Variants in RBMS3 observed in about 807,000 individuals in gnomAD.
RBMS3 encodes RNA-binding motif, single-stranded-interacting protein 3.
Under a neutral mutation model 66.8 loss-of-function variants are expected in RBMS3, and 27 were observed. The ratio of observed to expected loss-of-function variants is 0.40; its 90% CI spans 0.30 to 0.56. The LOEUF (loss-of-function observed/expected upper bound fraction) is 0.56. RBMS3 is among the 20% of genes least tolerant of loss of function. RBMS3 has a pLI of 0.40. For synonymous variants in RBMS3, 188 were observed against 183.0 expected (o/e 1.03, Z -0.22); for missense variants, 513 against 549.5 (o/e 0.93, Z 0.66).
chr3:29,367,855 A>G (rs960797790), intron 1 of RBMS3, among the ~76,000 whole-genome samples: 2 of 152,198 alleles, frequency 1.3e-5, no homozygotes, highest in African/African-American at 4.8e-5. Flanking sequence ...AGGAAGGACA[A>G]TAGTACATTT....
At chr3:29,293,228 C>T (rs547445105) in intron 1 of RBMS3, among the ~76,000 whole-genome samples, 12 of 151,530 alleles carry the variant, frequency 7.9e-5, no homozygotes, top group Non-Finnish European at 1.8e-4. Flanking sequence ...TATTCATATA[C>T]GATCTGTATG....
intron 6 of RBMS3, among the ~76,000 whole-genome samples, chr3:29,802,000 C>A (rs748686964): frequency 5.9e-5 from 9 of 152,202 alleles, no homozygotes; most frequent in Non-Finnish European, 8.8e-5. Context: ...CAGCTTCCAA[C>A]ATCTCTTTTT....
At chr3:29,930,727 AAT>A (rs113959842) in intron 10 of RBMS3, among the ~76,000 whole-genome samples, 2,753 of 149,380 alleles carry the variant, frequency 0.018, 75 homozygotes, top group African/African-American at 0.062. Flanking sequence ...TTTTTATTCT[AAT>A]ATATATATAT....
intron 4 of RBMS3, among the ~76,000 whole-genome samples, chr3:29,692,832 T>TAA (rs1361273119): frequency 1.3e-5 from 2 of 152,228 alleles, no homozygotes; most frequent in African/African-American, 2.4e-5. Flanking sequence ...ATTATATATA[T>TAA]AATCATGCTC....
chr3:29,662,265 C>T (rs2050581389), intron 4 of RBMS3, among the ~76,000 whole-genome samples: 2 of 151,972 alleles, frequency 1.3e-5, no homozygotes, highest in South Asian at 4.1e-4. Context: ...TGAAAGAGAG[C>T]CCAGTTACAC....
chr3:29,825,444 T>A (rs139568034), intron 6 of RBMS3, among the ~76,000 whole-genome samples: 2 of 152,092 alleles, frequency 1.3e-5, no homozygotes, highest in African/African-American at 2.4e-5. Context: ...CTAATCCCCA[T>A]GTGTTGTGGG....
rs2046520213 is a variant in RBMS3, at chr3:29,560,711, T to A, written c.308-26403T>A. 2.0e-5 allele frequency among the ~76,000 whole-genome samples: 3 copies of A among 152,238 alleles called. No individual in the cohort carries two copies. In the South Asian group the frequency reaches 6.2e-4, roughly 31 times the overall value. On this transcript the variant is annotated intron_variant, in intron 3 of 14. Transcript: ENST00000383767. Reference sequence around the variant, plus strand: ...TGACTGAAATTAAAGATGGTCATTTTGTTGTATAAACTCTGTTTTTTAAAT... The same window carrying A: ...TGACTGAAATTAAAGATGGTCATTTAGTTGTATAAACTCTGTTTTTTAAAT...
chr3:29,676,038 C>A (rs1026928940), intron 4 of RBMS3, among the ~76,000 whole-genome samples: 6 of 152,132 alleles, frequency 3.9e-5, no homozygotes, highest in African/African-American at 4.8e-5. Context: ...ATGTCCATCA[C>A]TGATAGACTG....
intron 3 of RBMS3, among the ~76,000 whole-genome samples, chr3:29,545,914 T>C (rs1232738459): frequency 6.6e-6 from 1 of 152,162 alleles, no homozygotes; most frequent in Non-Finnish European, 1.5e-5. Context: ...TACAAGGAAA[T>C]TCTTATTATG....
rs1365392385 is a variant in RBMS3 at position 29,492,926 on chromosome 3, C to A, written c.307+4427C>A. On this transcript the variant is annotated intron_variant, in intron 3 of 14. Coordinates refer to ENST00000383767, the MANE Select transcript of RBMS3 (RefSeq NM_001003793.3). ...TGGTTCATCCATTCTTCATTGGTAC[C>A]ATGCTAAATCGGTACAGCTTTTTTA... Among the ~76,000 whole-genome samples, 4 of 152,156 alleles carry A rather than the reference C, an allele frequency of 2.6e-5. No individual in the cohort carries two copies. In the East Asian group the frequency reaches 7.7e-4, roughly 29 times the overall value.
intron 1 of RBMS3, among the ~76,000 whole-genome samples, chr3:29,395,791 A>T (rs551508365): frequency 6.6e-6 from 1 of 152,308 alleles, no homozygotes; most frequent in Non-Finnish European, 1.5e-5. Flanking sequence ...ATCTGTGATC[A>T]AATTGCTACT....
In RBMS3 at chr3:29,538,716, G is replaced by A. The variant is rs77629454; in HGVS notation, c.308-48398G>A. ...AGAGAGGATAATAAGCATCCAGTGGGTCACTTTGGTAGACTTAGTCCTTGT... is the reference window on the plus strand; with the variant it reads ...AGAGAGGATAATAAGCATCCAGTGGATCACTTTGGTAGACTTAGTCCTTGT... On this transcript the variant is annotated intron_variant, in intron 3 of 14. Coordinates refer to ENST00000383767, the MANE Select transcript of RBMS3 (RefSeq NM_001003793.3). 2.4e-4 allele frequency among the ~76,000 whole-genome samples: 37 copies of A among 152,286 alleles called. 1 individual carries two copies. In the East Asian group the frequency reaches 6.9e-3, roughly 29 times the overall value.
At chr3:29,554,154 T>A (rs1403632895) in intron 3 of RBMS3, among the ~76,000 whole-genome samples, 3 of 152,216 alleles carry the variant, frequency 2.0e-5, no homozygotes, top group Non-Finnish European at 2.9e-5. Context: ...ATAGGCATAT[T>A]TATAGTAAGT....
At chr3:29,379,610 CA>C (rs2038663782) in intron 1 of RBMS3, among the ~76,000 whole-genome samples, 1 of 152,158 alleles carries the variant, frequency 6.6e-6, no homozygotes, top group South Asian at 2.1e-4. Flanking sequence ...ATCATGAGAG[CA>C]GCACGGGAAA....
At chr3:29,748,549 TATCACAG>T (rs1559632346) in intron 5 of RBMS3, among the ~76,000 whole-genome samples, 1 of 152,184 alleles carries the variant, frequency 6.6e-6, no homozygotes, top group African/African-American at 2.4e-5. Flanking sequence ...TGGTTCTTTG[TATCACAG>T]ATTCCAAGAA....
At chr3:29,969,065 A>G (rs1697053643) in intron 12 of RBMS3, among the ~76,000 whole-genome samples, 1 of 147,988 alleles carries the variant, frequency 6.8e-6, no homozygotes, top group African/African-American at 2.6e-5. Flanking sequence ...GGTGAAAATA[A>G]TTAAAGTAAT....
At chr3:29,904,482 AT>A (rs2060328306) in intron 10 of RBMS3, among the ~76,000 whole-genome samples, 5 of 152,116 alleles carry the variant, frequency 3.3e-5, no homozygotes, top group African/African-American at 1.2e-4. Flanking sequence ...AATATGAGCC[AT>A]ATATAGATCT....
rs550311144 is a variant in RBMS3, at chr3:29,398,286, T to C, written c.76-36457T>C. On this transcript the variant is annotated intron_variant, in intron 1 of 14. Transcript: ENST00000383767. Reference sequence around the variant, plus strand: ...TCTTTAATTTCACTTTTAGGGTAGTTTACCTCTTCAACACCAAGACAGTCT... The same window carrying C: ...TCTTTAATTTCACTTTTAGGGTAGTCTACCTCTTCAACACCAAGACAGTCT... Among the ~76,000 whole-genome samples, 20 of 152,260 alleles carry C rather than the reference T, an allele frequency of 1.3e-4. No homozygotes were observed. The South Asian group carries it at 4.2e-3, about 32-fold the overall frequency.
chr3:29,760,296 C>A (rs1489938798), intron 5 of RBMS3, among the ~76,000 whole-genome samples: 1 of 151,914 alleles, frequency 6.6e-6, no homozygotes, highest in African/African-American at 2.4e-5. Context: ...TACACACACA[C>A]ACACACCCCT....
Sources: gnomAD v4.1 joint callset for allele counts (sites outside exome capture counted in the v4.1 genomes callset) on GRCh38, gnomAD v4.1.1 for gene constraint, MANE v1.5 for transcripts, NCBI Gene and HGNC (gene_info 2026-07-23, HGNC 2026-07-21) for gene names.